B3GLCT: variants seen among roughly 807,000 people sequenced by gnomAD.
The protein encoded by B3GLCT is beta-1,3-glucosyltransferase.
B3GLCT carries 65 observed loss-of-function variants against 63.4 expected under a neutral mutation model. That is an observed-to-expected ratio of 1.03 (90% CI 0.84 to 1.26). B3GLCT has a LOEUF of 1.26. B3GLCT is among the 50% of genes most tolerant of loss of function. B3GLCT has a pLI of 0.00. For missense variants in B3GLCT, 577 were observed against 604.8 expected (o/e 0.95, Z 0.48); for synonymous variants, 233 against 219.2 (o/e 1.06, Z -0.55).
intron 13 of B3GLCT, among the ~76,000 whole-genome samples, chr13:31,320,506 T>G (rs1056283426): frequency 1.3e-5 from 2 of 152,216 alleles, no homozygotes; most frequent in African/African-American, 4.8e-5. Context: ...CATCTAGGCT[T>G]CGTGTCATTC....
intron 1 of B3GLCT, among the ~76,000 whole-genome samples, chr13:31,201,764 G>A (rs1049056997): frequency 1.3e-5 from 2 of 152,200 alleles, no homozygotes; most frequent in Non-Finnish European, 2.9e-5. Context: ...ACCCCCAGGG[G>A]AATATTTGCA....
rs7329243 is a variant in B3GLCT at position 31,296,075 on chromosome 13, C to T, written c.1064+9256C>T. Among the ~76,000 whole-genome samples, 1,501 of 152,272 alleles carry T rather than the reference C, an allele frequency of 9.9e-3. 20 individuals are homozygous for T. The highest frequency in any genetic ancestry group is 0.034 in the African/African-American group (1,428 of 41,554). ...CTCTTGGCTAGGTGAGGGAGTTCCCCGTCCCCTTGTGCTTCCCAGGTAAGG... is the reference window on the plus strand; with the variant it reads ...CTCTTGGCTAGGTGAGGGAGTTCCCTGTCCCCTTGTGCTTCCCAGGTAAGG... On this transcript the variant is annotated intron_variant, in intron 12 of 14. Transcript: ENST00000343307.
At chr13:31,243,398 A>G (rs1487701802) in intron 4 of B3GLCT, among the ~76,000 whole-genome samples, 1 of 152,248 alleles carries the variant, frequency 6.6e-6, no homozygotes, top group Non-Finnish European at 1.5e-5. Context: ...CAGAAAAACT[A>G]AAATGGTTCA....
In B3GLCT at chr13:31,257,112, A is replaced by G. The variant is rs1593278132; in HGVS notation, c.460-3834A>G. Among the ~76,000 whole-genome samples the G allele has an allele frequency of 2.6e-5, 4 of 152,296 alleles. No homozygotes were observed. In the East Asian group the frequency reaches 7.7e-4, roughly 29 times the overall value. ...ATAACCCACACAAAAATATTGAAAAACAATCATATACTATATAATAGCTGA... is the reference window on the plus strand; with the variant it reads ...ATAACCCACACAAAAATATTGAAAAGCAATCATATACTATATAATAGCTGA... On this transcript the variant is annotated intron_variant, in intron 6 of 14. Coordinates refer to ENST00000343307, the MANE Select transcript of B3GLCT (RefSeq NM_194318.4).
intron 12 of B3GLCT, among the ~76,000 whole-genome samples, chr13:31,308,347 T>TTAAAAAAAAAAAAAAAA (rs1450252463): frequency 1.0e-3 from 24 of 23,636 alleles, no homozygotes; most frequent in East Asian, 4.4e-3. Flanking sequence ...AAAAAAAAAT[T>TTAAAAAAAAAAAAAAAA]AAAAAAAAAA....
chr13:31,299,362 C>T (rs772724455), intron 12 of B3GLCT, among the ~76,000 whole-genome samples: 24 of 152,120 alleles, frequency 1.6e-4, no homozygotes, highest in Admixed American at 1.0e-3. Context: ...ATTGGCCATA[C>T]AAATCCATGC....
chr13:31,319,661 C>T (rs1469324536), intron 13 of B3GLCT, among the ~76,000 whole-genome samples: 2 of 152,272 alleles, frequency 1.3e-5, no homozygotes, highest in Non-Finnish European at 2.9e-5. Flanking sequence ...CCTTCTCACC[C>T]TGTATTGTCC....
rs140867240 is a variant in B3GLCT at position 31,220,658 on chromosome 13, A to G, written c.121-2294A>G. Among the ~76,000 whole-genome samples, 168 of 152,342 alleles carry G rather than the reference A, an allele frequency of 1.1e-3. 1 individual carries two copies. Among genetic ancestry groups the G allele is most frequent in the South Asian group, 9.3e-3 (45 of 4,830 alleles). On this transcript the variant is annotated intron_variant, in intron 2 of 14. Coordinates refer to ENST00000343307, the MANE Select transcript of B3GLCT (RefSeq NM_194318.4). Reference sequence around the variant, plus strand: ...TTTTGGTTCCATCTCAATTCACCTTATTCAACTGTTTCTTGCATATTTGAT... The same window carrying G: ...TTTTGGTTCCATCTCAATTCACCTTGTTCAACTGTTTCTTGCATATTTGAT...
At chr13:31,286,914 A>T in intron 12 of B3GLCT, 95 bp downstream of exon 12, 1 of 818,110 alleles carries the variant, frequency 1.2e-6, no homozygotes, top group Non-Finnish European at 2.0e-6. Context: ...AGATGAAGTA[A>T]CGGGGACGGG....
At chr13:31,244,025 T>A (rs1053866468) in intron 4 of B3GLCT, among the ~76,000 whole-genome samples, 1 of 152,246 alleles carries the variant, frequency 6.6e-6, no homozygotes, top group Non-Finnish European at 1.5e-5. Context: ...TTTGAAATAG[T>A]AGCATGATTA....
intron 1 of B3GLCT, among the ~76,000 whole-genome samples, chr13:31,200,765 G>C (rs778034570): frequency 6.6e-6 from 1 of 151,994 alleles, no homozygotes; most frequent in Non-Finnish European, 1.5e-5. Flanking sequence ...CGGCCAGCTC[G>C]GCGCCAGCCC....
At chr13:31,252,558 G>T (rs920071892) in intron 6 of B3GLCT, among the ~76,000 whole-genome samples, 12 of 152,032 alleles carry the variant, frequency 7.9e-5, no homozygotes, top group African/African-American at 2.9e-4. Flanking sequence ...AAAAAGCGGG[G>T]GTTGCAATCC....
At chr13:31,245,712 A>G (rs1434834492) in intron 4 of B3GLCT, among the ~76,000 whole-genome samples, 2 of 152,150 alleles carry the variant, frequency 1.3e-5, no homozygotes, top group African/African-American at 4.8e-5. Flanking sequence ...GTTTTATGCA[A>G]ATAGTAACAT....
chr13:31,262,282 T>A lies in B3GLCT; in HGVS notation c.596+1200T>A, dbSNP rs556453532. ...TATATGCTTTAATAAATGTACGTTA[T>A]GCTTTAACTAGCCAGAGTGGATTAT... On this transcript the variant is annotated intron_variant, in intron 7 of 14. Coordinates refer to ENST00000343307, the MANE Select transcript of B3GLCT (RefSeq NM_194318.4). Among the ~76,000 whole-genome samples the A allele has an allele frequency of 1.2e-4, 19 of 152,382 alleles. 1 individual carries two copies. Among genetic ancestry groups the A allele is most frequent in the African/African-American group, 4.1e-4 (17 of 41,596 alleles).
chr13:31,298,188 C>T (rs895239435), intron 12 of B3GLCT, among the ~76,000 whole-genome samples: 2 of 152,186 alleles, frequency 1.3e-5, no homozygotes, highest in Non-Finnish European at 2.9e-5. Flanking sequence ...AAAAAGATAG[C>T]AATTTGGACG....
chr13:31,216,864 A>G (rs747448546), intron 2 of B3GLCT, among the ~76,000 whole-genome samples: 2 of 152,160 alleles, frequency 1.3e-5, no homozygotes, highest in African/African-American at 4.8e-5. Flanking sequence ...ATGGGCATCT[A>G]GGTTGATTCC....
intron 14 of B3GLCT, among the ~76,000 whole-genome samples, chr13:31,324,449 G>T (rs1429611702): frequency 6.6e-6 from 1 of 152,176 alleles, no homozygotes; most frequent in African/African-American, 2.4e-5. Flanking sequence ...GTTTACCAGG[G>T]ACGGGTAGTG....
chr13:31,264,100 G>A (rs1241938070), intron 7 of B3GLCT, among the ~76,000 whole-genome samples: 3 of 151,894 alleles, frequency 2.0e-5, no homozygotes, highest in South Asian at 2.1e-4. Flanking sequence ...TTTTTTATAG[G>A]GGTGCAGTCC....
chr13:31,314,871 A>G (rs1490421429), intron 12 of B3GLCT, among the ~76,000 whole-genome samples: 1 of 152,196 alleles, frequency 6.6e-6, no homozygotes, highest in African/African-American at 2.4e-5. Flanking sequence ...ACCCAGTGGG[A>G]GGTAATTGAA....
Sources: allele counts gnomAD v4.1 joint callset (sites outside exome capture counted in the v4.1 genomes callset), GRCh38; gene constraint gnomAD v4.1.1; transcripts MANE v1.5; gene names NCBI Gene and HGNC (gene_info 2026-07-23, HGNC 2026-07-21).